The following GRIN2B variants were observed in gnomAD, a reference collection of about 807,000 sequenced individuals.
GRIN2B encodes glutamate receptor ionotropic, NMDA 2B.
GRIN2B carries 5 observed loss-of-function variants against 114.5 expected under a neutral mutation model. The ratio of observed to expected loss-of-function variants is 0.04; its 90% CI spans 0.02 to 0.09. The LOEUF (loss-of-function observed/expected upper bound fraction) is 0.09. Ranked by LOEUF, GRIN2B falls within the 10% of genes least tolerant of loss-of-function variation. The pLI, the probability that GRIN2B is intolerant of heterozygous loss-of-function variation, is 1.00. For synonymous variants in GRIN2B, 787 were observed against 745.1 expected (o/e 1.06, Z -0.92); for missense variants, 1,108 against 1,943.5 (o/e 0.57, Z 8.08).
chr12:13,903,411 T>C (rs933842765), intron 2 of GRIN2B, among the ~76,000 whole-genome samples: 12 of 152,134 alleles, frequency 7.9e-5, no homozygotes, highest in Non-Finnish European at 1.5e-4. Flanking sequence ...CTACATATAA[T>C]GATATGTAGC....
chr12:13,935,038 G>A (rs1289574579), intron 2 of GRIN2B, among the ~76,000 whole-genome samples: 5 of 152,140 alleles, frequency 3.3e-5, no homozygotes, highest in Non-Finnish European at 7.3e-5. Flanking sequence ...GAAGACCCAA[G>A]TTTTCTGAGA....
chr12:13,934,293 C>T (rs928994208), intron 2 of GRIN2B, among the ~76,000 whole-genome samples: 2 of 152,208 alleles, frequency 1.3e-5, no homozygotes, highest in Admixed American at 6.5e-5. Context: ...TACACAATAA[C>T]TAAATTTCCA....
upstream of GRIN2B, chr12:13,981,808 C>T (rs1455728528): frequency 6.6e-6 from 1 of 152,264 alleles, no homozygotes; most frequent in African/African-American, 2.4e-5. Flanking sequence ...GTATTAATCA[C>T]CGGGGACGGG....
At chr12:13,806,218 T>C (rs556482906) in intron 3 of GRIN2B, among the ~76,000 whole-genome samples, 3 of 152,168 alleles carry the variant, frequency 2.0e-5, no homozygotes, top group Admixed American at 1.3e-4. Context: ...GATATACTGG[T>C]TGCATTTCCT....
chr12:13,670,684 A>G (rs1409813535), intron 5 of GRIN2B, among the ~76,000 whole-genome samples: 1 of 152,094 alleles, frequency 6.6e-6, no homozygotes, highest in African/African-American at 2.4e-5. Context: ...AAATGAGCCC[A>G]GTCTGCACAC....
intron 5 of GRIN2B, among the ~76,000 whole-genome samples, chr12:13,623,859 A>G (rs1949542643): frequency 6.6e-6 from 1 of 152,196 alleles, no homozygotes; most frequent in Non-Finnish European, 1.5e-5. Flanking sequence ...AATCTACCCC[A>G]TTCCCAAAGT....
At chr12:13,845,688 T>G (rs925500312) in intron 3 of GRIN2B, among the ~76,000 whole-genome samples, 4 of 152,186 alleles carry the variant, frequency 2.6e-5, no homozygotes, top group African/African-American at 9.7e-5. Flanking sequence ...TTGATGGTCT[T>G]TGATACCATG....
intron 4 of GRIN2B, among the ~76,000 whole-genome samples, chr12:13,749,295 T>G (rs2136624658): frequency 6.6e-6 from 1 of 152,314 alleles, no homozygotes; most frequent in South Asian, 2.1e-4. Context: ...TTAGGAACTT[T>G]CCCCACGTGG....
chr12:13,939,816 T>C (rs1468217687), intron 2 of GRIN2B, among the ~76,000 whole-genome samples: 1 of 152,094 alleles, frequency 6.6e-6, no homozygotes, highest in African/African-American at 2.4e-5. Context: ...ATTTTCTTTA[T>C]AAATTACCCA....
chr12:13,584,448 T>G (rs1948891263), intron 10 of GRIN2B, among the ~76,000 whole-genome samples: 2 of 152,206 alleles, frequency 1.3e-5, no homozygotes, highest in South Asian at 4.1e-4. Context: ...ATGAATGAAT[T>G]GAATCGCACA....
intron 5 of GRIN2B, among the ~76,000 whole-genome samples, chr12:13,658,270 T>A (rs1949887339): frequency 6.6e-6 from 1 of 151,768 alleles, no homozygotes. Flanking sequence ...AGGACTAAAA[T>A]GATATAAATC....
intron 3 of GRIN2B, among the ~76,000 whole-genome samples, chr12:13,818,279 GA>G (rs1311312577): frequency 1.3e-5 from 2 of 152,192 alleles, no homozygotes; most frequent in Non-Finnish European, 2.9e-5. Context: ...CAGTGGGAAA[GA>G]AAAGGGGACA....
chr12:13,808,636 C>T (rs1323886575), intron 3 of GRIN2B, among the ~76,000 whole-genome samples: 2 of 151,068 alleles, frequency 1.3e-5, no homozygotes, highest in Non-Finnish European at 2.9e-5. Flanking sequence ...GGAGATATAC[C>T]TAATGTAAAT....
intron 10 of GRIN2B, among the ~76,000 whole-genome samples, chr12:13,579,024 C>T (rs1439308594): frequency 5.3e-5 from 8 of 151,676 alleles, no homozygotes; most frequent in African/African-American, 1.9e-4. Context: ...AGTGAGAGAA[C>T]AGAACAAGGG....
rs1055691775 is a variant in GRIN2B, at chr12:13,539,222, C to T, written c.*23561G>A. The T allele has an allele frequency of 3.3e-5, 5 of 152,174 alleles. No homozygotes were observed. Among genetic ancestry groups the T allele is most frequent in the Non-Finnish European group, 7.3e-5 (5 of 68,040 alleles). The allele number at this position is 152,174 out of a possible 1,614,324, so 9.4% of individuals were successfully genotyped here. Reference sequence around the variant, plus strand: ...GAGATTCCTGGAACTAGGGATTAGCCCTGCTGGCTTCTAGCCAGGGCTGCC... The same window carrying T: ...GAGATTCCTGGAACTAGGGATTAGCTCTGCTGGCTTCTAGCCAGGGCTGCC... On this transcript the variant is annotated 3_prime_UTR_variant, in exon 14 of 14. Coordinates refer to ENST00000609686, the MANE Select transcript of GRIN2B (RefSeq NM_000834.5).
intron 3 of GRIN2B, among the ~76,000 whole-genome samples, chr12:13,840,871 T>C (rs149800371): frequency 6.6e-6 from 1 of 152,150 alleles, no homozygotes; most frequent in Non-Finnish European, 1.5e-5. Flanking sequence ...TTTACATATT[T>C]CTAAAAATAT....
chr12:13,672,692 G>A (rs923963845), intron 5 of GRIN2B, among the ~76,000 whole-genome samples: 2 of 152,166 alleles, frequency 1.3e-5, no homozygotes, highest in Admixed American at 1.3e-4. Flanking sequence ...GTGTTCCCTG[G>A]GTTAATTGAG....
At chr12:13,916,628 C>T (rs1410928835) in intron 2 of GRIN2B, among the ~76,000 whole-genome samples, 2 of 151,814 alleles carry the variant, frequency 1.3e-5, no homozygotes, top group Non-Finnish European at 2.9e-5. Flanking sequence ...ATAGGAGGAT[C>T]TCTTGAAGCC....
At chr12:13,974,864 A>C (rs549044406) in intron 2 of GRIN2B, among the ~76,000 whole-genome samples, 1 of 152,340 alleles carries the variant, frequency 6.6e-6, no homozygotes, top group East Asian at 1.9e-4. Flanking sequence ...AAAATAAATG[A>C]AGTTAAAAGA....
Sources: allele counts gnomAD v4.1 joint callset (sites outside exome capture counted in the v4.1 genomes callset), GRCh38; gene constraint gnomAD v4.1.1; transcripts MANE v1.5; gene names NCBI Gene and HGNC (gene_info 2026-07-23, HGNC 2026-07-21).